Variants in ESYT2 observed in about 807,000 individuals in gnomAD.
The protein encoded by ESYT2 is extended synaptotagmin-2.
In ESYT2, 54 loss-of-function variants were observed where a neutral mutation model predicts 107.2. The ratio of observed to expected loss-of-function variants is 0.50; its 90% CI spans 0.40 to 0.63. The LOEUF (loss-of-function observed/expected upper bound fraction) is 0.63, where lower values mean the gene tolerates loss of function less well. ESYT2 is among the 30% of genes least tolerant of loss of function. The pLI is 0.00. For synonymous variants in ESYT2, 491 were observed against 434.1 expected (o/e 1.13, Z -1.63); for missense variants, 1,020 against 1,094.5 (o/e 0.93, Z 0.96).
At chr7:158,821,612 G>T (rs371451539) in intron 1 of ESYT2, among the ~76,000 whole-genome samples, 29 of 152,234 alleles carry the variant, frequency 1.9e-4, no homozygotes, top group African/African-American at 5.5e-4. Flanking sequence ...GCCTGGGCCA[G>T]CCATCCAGAA....
intron 4 of ESYT2, 86 bp downstream of exon 4, chr7:158,793,564 C>T (rs1839371939): frequency 2.1e-6 from 2 of 944,506 alleles, no homozygotes; most frequent in Middle Eastern, 2.1e-4. Flanking sequence ...AAGACGTGTG[C>T]TCACTGTATC....
At chr7:158,785,038 G>A (rs1431686844) in intron 6 of ESYT2, among the ~76,000 whole-genome samples, 2 of 152,214 alleles carry the variant, frequency 1.3e-5, no homozygotes, top group African/African-American at 4.8e-5. Context: ...ACTACCAAGT[G>A]AGAAGGATTC....
intron 6 of ESYT2, among the ~76,000 whole-genome samples, chr7:158,783,165 C>T (rs972433258): frequency 6.6e-6 from 1 of 152,096 alleles, no homozygotes; most frequent in South Asian, 2.1e-4. Flanking sequence ...GGCTTTTCTA[C>T]GAGAAGCAGA....
intron 3 of ESYT2, among the ~76,000 whole-genome samples, chr7:158,795,815 G>A (rs1026563838): frequency 3.3e-5 from 5 of 152,188 alleles, no homozygotes; most frequent in African/African-American, 1.2e-4. Flanking sequence ...CGTCCTACGG[G>A]CGTCCTGTGT....
intron 6 of ESYT2, among the ~76,000 whole-genome samples, chr7:158,782,534 A>AAAT (rs1267172176): frequency 2.6e-5 from 1 of 38,108 alleles, no homozygotes; most frequent in Non-Finnish European, 8.2e-5. Flanking sequence ...AGCGAGTGTA[A>AAAT]GAAAATGAGT....
rs1353665541 is a variant in ESYT2 at position 158,738,488 on chromosome 7, CTT to C, written c.2267+533_2267+534del. Among the ~76,000 whole-genome samples the C allele has an allele frequency of 4.0e-5, 6 of 149,906 alleles. No individual in the cohort carries two copies. In the East Asian group the frequency reaches 1.3e-3, roughly 31 times the overall value. On this transcript the variant is annotated intron_variant, in intron 19 of 22. Coordinates refer to ENST00000275418, the MANE Select transcript of ESYT2 (RefSeq NM_001367773.1). ...TTTCTTTTTGAGACAAAGTTTCGCT[CTT>C]GTTGCCCAGGCTGGAGTGCAATGGC...
At chr7:158,767,301 G>C (rs1188270477) in intron 8 of ESYT2, among the ~76,000 whole-genome samples, 1 of 152,196 alleles carries the variant, frequency 6.6e-6, no homozygotes. Context: ...ACTGGTGCCT[G>C]TTGCTGAGGG....
intron 1 of ESYT2, among the ~76,000 whole-genome samples, chr7:158,819,015 C>T (rs1020174438): frequency 6.6e-6 from 1 of 152,216 alleles, no homozygotes; most frequent in African/African-American, 2.4e-5. Context: ...TCAAAGTAGC[C>T]ATTACTCAAT....
rs754520160 is a variant in ESYT2 at position 158,752,823 on chromosome 7, G to T, written c.1440C>A (p.Asn480Lys). 6 of 1,303,952 alleles carry T rather than the reference G, an allele frequency of 4.6e-6. No homozygotes were observed. The highest frequency in any genetic ancestry group is 6.1e-6 in the Non-Finnish European group (6 of 988,920). The allele number at this position is 1,303,952 out of a possible 1,614,324, so 80.8% of individuals were successfully genotyped here. Residue 480 changes from asparagine to lysine, a missense_variant, in exon 14 of 23, where the codon AAC (asparagine) becomes AAA (lysine). By Grantham distance (94) the Asn-to-Lys change is moderately conservative (BLOSUM62 0). Transcript: ENST00000275418. ...RNLPSNPLEF[N>K]PDVLKKTAVQ... The stretch of plus-strand genomic sequence containing the variant: ...CTGCAGTCTTCTTCAAGACATCGGG[G>T]TTAAATTCTAATGGGTTACTCTTTC...
Position 158,784,256 on chromosome 7 carries a change from T to G in ESYT2, c.747+3748A>C, listed in dbSNP as rs550594971. Among the ~76,000 whole-genome samples the G allele has an allele frequency of 6.6e-5, 10 of 152,308 alleles. 1 individual carries two copies. The South Asian group carries it at 1.9e-3, about 28-fold the overall frequency. ...GCAAAAACTCCCAGTTACTAACGTG[T>G]GGTCTGAGTCTGTGGATGTGCCTGT... On this transcript the variant is annotated intron_variant, in intron 6 of 22. Coordinates refer to ENST00000275418, the MANE Select transcript of ESYT2 (RefSeq NM_001367773.1).
chr7:158,752,358 T>A (rs1837615278), intron 14 of ESYT2, among the ~76,000 whole-genome samples: 1 of 152,206 alleles, frequency 6.6e-6, no homozygotes, highest in Non-Finnish European at 1.5e-5. Flanking sequence ...GACTCAGAGA[T>A]GACCCTAACT....
chr7:158,772,597 G>A (rs1838410798), intron 7 of ESYT2, among the ~76,000 whole-genome samples: 1 of 152,138 alleles, frequency 6.6e-6, no homozygotes, highest in Non-Finnish European at 1.5e-5. Context: ...CTTCCTATTT[G>A]GAGGTGACCA....
rs182230115 is a variant in ESYT2, at chr7:158,803,758, C to T, written c.331-4686G>A. 4.0e-4 allele frequency among the ~76,000 whole-genome samples: 61 copies of T among 150,830 alleles called. 1 individual carries two copies. The highest frequency in any genetic ancestry group is 3.4e-3 in the Admixed American group (52 of 15,148). On this transcript the variant is annotated intron_variant, in intron 1 of 22. Transcript: ENST00000275418. ...GGACTGCTGAGAAAGGTGAGGCGCG[C>T]GACAAACCCAAACCGCCGAGAAGGG... is the stretch of plus-strand genomic sequence containing the variant.
intron 2 of ESYT2, 111 bp from the exon 3 acceptor site, chr7:158,798,187 G>A: frequency 3.5e-6 from 4 of 1,143,762 alleles, no homozygotes; most frequent in Non-Finnish European, 4.9e-6. Context: ...GAAAATAAAG[G>A]GCGGGAGGAT....
intron 19 of ESYT2, among the ~76,000 whole-genome samples, chr7:158,738,194 C>T (rs868597126): frequency 6.6e-6 from 1 of 151,912 alleles, no homozygotes; most frequent in South Asian, 2.1e-4. Context: ...CGCCTGTAAT[C>T]CCACCTACTC....
chr7:158,824,388 T>C (rs1176800565), intron 1 of ESYT2, among the ~76,000 whole-genome samples: 2 of 152,254 alleles, frequency 1.3e-5, no homozygotes, highest in African/African-American at 4.8e-5. Context: ...CACAATATTT[T>C]ATTAAAGTAT....
At chr7:158,803,029 T>C (rs1180711279) in intron 1 of ESYT2, among the ~76,000 whole-genome samples, 1 of 152,218 alleles carries the variant, frequency 6.6e-6, no homozygotes, top group Non-Finnish European at 1.5e-5. Context: ...CAATGGTTGG[T>C]TGCAAGGAAG....
chr7:158,764,891 T>C (rs1838096926), intron 8 of ESYT2, 38 bp from the exon 9 acceptor site: 2 of 1,599,290 alleles, frequency 1.3e-6, no homozygotes, highest in Non-Finnish European at 1.7e-6. Context: ...GACCCTTGGC[T>C]GGCTTGTTTA....
intron 2 of ESYT2, among the ~76,000 whole-genome samples, chr7:158,798,634 G>A (rs1274623439): frequency 1.1e-5 from 1 of 94,960 alleles, no homozygotes; most frequent in African/African-American, 4.3e-5. Context: ...CAACAAGAGT[G>A]AAGCTCCGTC....
Sources: gnomAD v4.1 joint callset for allele counts (sites outside exome capture counted in the v4.1 genomes callset) on GRCh38, gnomAD v4.1.1 for gene constraint, MANE v1.5 for transcripts, NCBI Gene and HGNC (gene_info 2026-07-23, HGNC 2026-07-21) for gene names.